The following PHC2 variants were observed in gnomAD, a reference collection of about 807,000 sequenced individuals.
The protein encoded by PHC2 is polyhomeotic-like protein 2.
Under a neutral mutation model 87.4 loss-of-function variants are expected in PHC2, and 29 were observed. That is an observed-to-expected ratio of 0.33 (90% CI 0.25 to 0.45). PHC2 has a LOEUF of 0.45. Among genes scored for constraint, PHC2 ranks in the 20% least tolerant of loss-of-function variants. The pLI is 1.00. For missense variants in PHC2, 857 were observed against 1,136.7 expected, an observed-to-expected ratio of 0.75 and a Z score of 3.54; for synonymous variants, 438 against 461.7, an observed-to-expected ratio of 0.95 and a Z score of 0.66.
intron 1 of PHC2, among the ~76,000 whole-genome samples, chr1:33,395,123 A>C (rs1248317863): frequency 1.3e-5 from 2 of 152,244 alleles, no homozygotes; most frequent in Non-Finnish European, 2.9e-5. Context: ...AATAAAGAGA[A>C]ACAAAATATT....
intron 9 of PHC2, chr1:33,346,931 T>C: frequency 2.0e-6 from 2 of 985,348 alleles, no homozygotes; most frequent in Non-Finnish European, 2.4e-6. Flanking sequence ...AATAAGAAAA[T>C]GTAGAGAGGG....
intron 1 of PHC2, among the ~76,000 whole-genome samples, chr1:33,387,159 C>T (rs1483620058): frequency 6.6e-6 from 1 of 152,190 alleles, no homozygotes; most frequent in Non-Finnish European, 1.5e-5. Context: ...TATCTTAGGC[C>T]TACCAGTGGC....
intron 5 of PHC2, 120 bp downstream of exon 5, chr1:33,370,301 T>G: frequency 1.3e-6 from 1 of 765,860 alleles, no homozygotes. Context: ...ATCCCACCCC[T>G]TATCTCCTGC....
intron 1 of PHC2, among the ~76,000 whole-genome samples, chr1:33,404,798 A>G (rs1317094597): frequency 6.6e-6 from 1 of 152,232 alleles, no homozygotes. Context: ...AAATTGAATG[A>G]TATGAAGAAT....
chr1:33,347,832 C>T (rs769830746), intron 9 of PHC2: 52 of 657,912 alleles, frequency 7.9e-5, no homozygotes, highest in South Asian at 2.0e-4. Context: ...CGACCTTCTG[C>T]GAAACAAGCC....
intron 1 of PHC2, among the ~76,000 whole-genome samples, chr1:33,400,396 C>T (rs140356656): frequency 2.6e-5 from 4 of 152,284 alleles, no homozygotes; most frequent in South Asian, 2.1e-4. Context: ...TTATCAGTAG[C>T]GCAGTACTAG....
At chr1:33,327,449 A>G (rs1646395940) in intron 14 of PHC2, among the ~76,000 whole-genome samples, 1 of 152,038 alleles carries the variant, frequency 6.6e-6, no homozygotes. Context: ...AGGAACACAA[A>G]TTTCTGGGGG....
intron 1 of PHC2, among the ~76,000 whole-genome samples, chr1:33,386,188 T>C (rs774952672): frequency 4.0e-5 from 6 of 151,788 alleles, no homozygotes; most frequent in Non-Finnish European, 2.9e-5. Flanking sequence ...TACATAGAAA[T>C]CTCAGTACCA....
At chr1:33,350,929 C>T (rs1446320870) in intron 9 of PHC2, among the ~76,000 whole-genome samples, 3 of 152,166 alleles carry the variant, frequency 2.0e-5, no homozygotes, top group Non-Finnish European at 2.9e-5. Context: ...GTATCCTCAA[C>T]TCCTGTTCCC....
At chr1:33,399,277 C>G (rs1649419135) in intron 1 of PHC2, among the ~76,000 whole-genome samples, 2 of 152,102 alleles carry the variant, frequency 1.3e-5, no homozygotes, top group Non-Finnish European at 2.9e-5. Flanking sequence ...TAGAATAGTA[C>G]TCACACACAG....
intron 9 of PHC2, among the ~76,000 whole-genome samples, chr1:33,337,854 CTGGTTGGTAAGATTTTT>C (rs1156334709): frequency 1.3e-5 from 2 of 152,190 alleles, no homozygotes; most frequent in Non-Finnish European, 2.9e-5. Flanking sequence ...TGTAAGAGAT[CTGGTTGGTAAGATTTTT>C]GGTTTTCTGT....
chr1:33,386,233 C>G (rs772243294), intron 1 of PHC2, among the ~76,000 whole-genome samples: 10 of 151,706 alleles, frequency 6.6e-5, no homozygotes, highest in Non-Finnish European at 1.5e-4. Flanking sequence ...AAAAAAGACC[C>G]CTGGCTGAGT....
intron 9 of PHC2, among the ~76,000 whole-genome samples, chr1:33,343,963 A>G (rs963758677): frequency 2.6e-5 from 4 of 152,240 alleles, no homozygotes; most frequent in African/African-American, 7.2e-5. Flanking sequence ...TCTAAAGGAC[A>G]AGAAGACAAG....
At chr1:33,374,448 C>T (rs1648044922) in intron 2 of PHC2, among the ~76,000 whole-genome samples, 1 of 152,140 alleles carries the variant, frequency 6.6e-6, no homozygotes, top group Non-Finnish European at 1.5e-5. Flanking sequence ...TCACTAAGCA[C>T]GAGGTAGAAA....
At chr1:33,424,465 C>T (rs1025788777) in intron 1 of PHC2, among the ~76,000 whole-genome samples, 2 of 152,188 alleles carry the variant, frequency 1.3e-5, no homozygotes, top group Non-Finnish European at 2.9e-5. Flanking sequence ...ACCATATTTA[C>T]ACACTCACTC....
At chr1:33,411,559 G>GTTTTATTT (rs1397333032) in intron 1 of PHC2, among the ~76,000 whole-genome samples, 1 of 151,726 alleles carries the variant, frequency 6.6e-6, no homozygotes, top group Non-Finnish European at 1.5e-5. Flanking sequence ...TCATCTTTTA[G>GTTTTATTT]TTTTATTTTT....
At chr1:33,346,904 TTC>T in intron 9 of PHC2, 1 of 985,462 alleles carries the variant, frequency 1.0e-6, no homozygotes. Flanking sequence ...AATAATCATG[TTC>T]TGTGTTTTTC....
chr1:33,402,966 G>A (rs544354781), intron 1 of PHC2, among the ~76,000 whole-genome samples: 64 of 151,504 alleles, frequency 4.2e-4, no homozygotes, highest in Middle Eastern at 6.8e-3. Flanking sequence ...CTGCCACCAC[G>A]CCCGACTTTT....
intron 1 of PHC2, among the ~76,000 whole-genome samples, chr1:33,376,423 C>T (rs1648186277): frequency 6.6e-6 from 1 of 152,188 alleles, no homozygotes; most frequent in Non-Finnish European, 1.5e-5. Flanking sequence ...TCAGGTCTGG[C>T]TGATTCTAAA....
Sources: gnomAD v4.1 joint callset for allele counts (sites outside exome capture counted in the v4.1 genomes callset) on GRCh38, gnomAD v4.1.1 for gene constraint, MANE v1.5 for transcripts, NCBI Gene and HGNC (gene_info 2026-07-23, HGNC 2026-07-21) for gene names.